The following PCDHGA6 variants were observed in gnomAD, a reference collection of about 807,000 sequenced individuals.
The protein encoded by PCDHGA6 is protocadherin gamma-A6.
PCDHGA6 carries 41 observed loss-of-function variants against 60.6 expected under a neutral mutation model. The observed-to-expected ratio is 0.68, with a 90% confidence interval of 0.53 to 0.88. PCDHGA6 has a LOEUF of 0.88. PCDHGA6 is among the 40% of genes least tolerant of loss of function. PCDHGA6 has a pLI of 0.00. For missense variants in PCDHGA6, 1,312 were observed against 1,203.0 expected, an observed-to-expected ratio of 1.09 and a Z score of -1.34; for synonymous variants, 594 against 524.4, an observed-to-expected ratio of 1.13 and a Z score of -1.81.
rs534304763 is a variant in PCDHGA6 at position 141,394,533 on chromosome 5, G to T, written c.2424+18026G>T. 2 of 1,614,092 alleles carry T rather than the reference G, an allele frequency of 1.2e-6. No individual in the cohort carries two copies. The highest frequency in any genetic ancestry group is 3.3e-5 in the Admixed American group (2 of 60,014). On this transcript the variant is annotated intron_variant, in intron 1 of 3. Transcript: ENST00000517434. Reference sequence around the variant, plus strand: ...CGCCCTCCCCACAGACGGTTCCACTGGCGTGGAGCTGGCGCCCCGCTCCGC... The same window carrying T: ...CGCCCTCCCCACAGACGGTTCCACTTGCGTGGAGCTGGCGCCCCGCTCCGC...
chr5:141,465,781 T>G (rs2099109506), intron 1 of PCDHGA6, among the ~76,000 whole-genome samples: 1 of 150,278 alleles, frequency 6.7e-6, no homozygotes, highest in Non-Finnish European at 1.5e-5. Context: ...TTGTTACAGT[T>G]TTTTTTTTTT....
chr5:141,511,733 T>C lies in PCDHGA6; in HGVS notation c.*560T>C, dbSNP rs1032711521. 9 of 177,040 alleles carry C rather than the reference T, an allele frequency of 5.1e-5. No individual in the cohort carries two copies. The highest frequency in any genetic ancestry group is 8.7e-5 in the Non-Finnish European group (7 of 80,868). The allele number at this position is 177,040 out of a possible 1,614,324, so 11.0% of individuals were successfully genotyped here. ...TCCTTCCAGAGCCCAAGATCAATGC[T>C]CAAGTTTTGGAGGACATGATCACCA... On this transcript the variant is annotated 3_prime_UTR_variant, in exon 4 of 4. Transcript: ENST00000517434.
rs189127761 is a variant in PCDHGA6 at position 141,385,037 on chromosome 5, C to A, written c.2424+8530C>A. Reference sequence around the variant, plus strand: ...CTAGCCTTCGTCCTCGTACTGCTGGCGCTCAGGCTGCGGCGCTGGCACAAG... The same window carrying A: ...CTAGCCTTCGTCCTCGTACTGCTGGAGCTCAGGCTGCGGCGCTGGCACAAG... On this transcript the variant is annotated intron_variant, in intron 1 of 3. Transcript: ENST00000517434. The A allele has an allele frequency of 5.8e-5, 93 of 1,614,148 alleles. No individual in the cohort carries two copies. In the East Asian group the frequency reaches 1.7e-3, roughly 30 times the overall value.
chr5:141,496,888 T>TAAA (rs35063790), intron 2 of PCDHGA6, among the ~76,000 whole-genome samples: 5 of 134,118 alleles, frequency 3.7e-5, no homozygotes, highest in East Asian at 4.4e-4. Context: ...AAGTAACACT[T>TAAA]AAAAAAAAAA....
intron 1 of PCDHGA6, among the ~76,000 whole-genome samples, chr5:141,455,291 A>G (rs1212745731): frequency 6.6e-6 from 1 of 152,072 alleles, no homozygotes; most frequent in Non-Finnish European, 1.5e-5. Flanking sequence ...CACTTTACAT[A>G]GTTTCATCTT....
chr5:141,415,289 C>T (rs1413039067), intron 1 of PCDHGA6: 11 of 1,614,088 alleles, frequency 6.8e-6, no homozygotes, highest in African/African-American at 1.3e-5. Flanking sequence ...GCCGCGGTCT[C>T]CTGCGTCTTC....
chr5:141,487,533 T>C lies in PCDHGA6; in HGVS notation c.2425-7274T>C. On this transcript the variant is annotated intron_variant, in intron 1 of 3. Coordinates refer to ENST00000517434, the MANE Select transcript of PCDHGA6 (RefSeq NM_018919.3). This position sits in a 1 kb window ranked among gnomAD's most constrained non-coding sequence, Gnocchi z 5.0. The stretch of plus-strand genomic sequence containing the variant: ...CCCACTCGGAGTGATAGCTTCATGA[T>C]GGTGAAGTCACCCAGTGCACCTATG... 6.2e-7 allele frequency: 1 copy of C among 1,614,186 alleles called. No individual in the cohort carries two copies. Among genetic ancestry groups the C allele is most frequent in the South Asian group, 1.1e-5 (1 of 91,080 alleles).
intron 1 of PCDHGA6, among the ~76,000 whole-genome samples, chr5:141,457,477 C>A (rs964080100): frequency 2.0e-5 from 3 of 152,134 alleles, no homozygotes; most frequent in African/African-American, 7.2e-5. Context: ...TAAGCAGGGC[C>A]AGGGTTAGTC....
intron 1 of PCDHGA6, chr5:141,409,769 G>C (rs1413636372): frequency 1.2e-6 from 2 of 1,612,776 alleles, no homozygotes; most frequent in Non-Finnish European, 1.7e-6. Context: ...CTTTGATCAC[G>C]AGCAGCTGCG....
At position 141,485,565 on chromosome 5, in the gene PCDHGA6, C is replaced by T. The variant is rs1213821989; in HGVS notation, c.2425-9242C>T. The T allele has an allele frequency of 2.5e-6, 4 of 1,612,946 alleles. No homozygotes were observed. Among genetic ancestry groups the T allele is most frequent in the Non-Finnish European group, 2.5e-6 (3 of 1,179,042 alleles). On this transcript the variant is annotated intron_variant, in intron 1 of 3. Coordinates refer to ENST00000517434, the MANE Select transcript of PCDHGA6 (RefSeq NM_018919.3). The surrounding 1 kb of genome is among the most constrained non-coding windows in gnomAD (Gnocchi z 5.7). ...ATCGTAGATGTGAATGATCACGCCCCCCGTTTTCCGCGGCAGCAGCTGGAC... is the reference window on the plus strand; with the variant it reads ...ATCGTAGATGTGAATGATCACGCCCTCCGTTTTCCGCGGCAGCAGCTGGAC...
chr5:141,417,859 GAT>G, intron 1 of PCDHGA6: 1 of 1,548,208 alleles, frequency 6.5e-7, no homozygotes, highest in Middle Eastern at 1.7e-4. Context: ...CCGAGCGAAC[GAT>G]GGGAGGGAGC....
In PCDHGA6 at chr5:141,433,401, A is replaced by ATCTC. The variant is rs1554126038; in HGVS notation, c.2424+56897_2424+56898insCTCT. On this transcript the variant is annotated intron_variant, in intron 1 of 3. Transcript: ENST00000517434. ...TATCTATCTATCTATCTATCTATCT[A>ATCTC]TCTATTACTTTCTTGTACAGACAGG... Among the ~76,000 whole-genome samples, 677 of 150,598 alleles carry ATCTC rather than the reference A, an allele frequency of 4.5e-3. 6 individuals are homozygous for ATCTC. Among genetic ancestry groups the ATCTC allele is most frequent in the African/African-American group, 0.015 (630 of 40,958 alleles).
intron 1 of PCDHGA6, chr5:141,391,260 A>G (rs2092328802): frequency 1.3e-5 from 2 of 152,128 alleles, no homozygotes; most frequent in African/African-American, 4.8e-5. Flanking sequence ...TGCTTCAGTT[A>G]ATGGCCACTT....
intron 1 of PCDHGA6, among the ~76,000 whole-genome samples, chr5:141,467,823 T>A (rs1225960296): frequency 1.3e-5 from 2 of 152,012 alleles, no homozygotes; most frequent in African/African-American, 2.4e-5. Flanking sequence ...CACACCAGGC[T>A]GATTTTTATA....
Position 141,485,274 on chromosome 5 carries a change from C to G in PCDHGA6, c.2425-9533C>G. 2 of 1,614,106 alleles carry G rather than the reference C, an allele frequency of 1.2e-6. No homozygotes were observed. Among genetic ancestry groups the G allele is most frequent in the Non-Finnish European group, 1.7e-6 (2 of 1,179,964 alleles). On this transcript the variant is annotated intron_variant, in intron 1 of 3. Transcript: ENST00000517434. The surrounding 1 kb of genome is among the most constrained non-coding windows in gnomAD (Gnocchi z 5.7). ...TACGTTTGTGGGCAGATCCGCTACC[C>G]GGTCCCAGAGGAGTCACAGGAAGGG...
chr5:141,445,537 G>A (rs1266179512), intron 1 of PCDHGA6, among the ~76,000 whole-genome samples: 1 of 152,182 alleles, frequency 6.6e-6, no homozygotes, highest in African/African-American at 2.4e-5. Flanking sequence ...AAGCCAACAA[G>A]GAGAAATACA....
At chr5:141,408,578 G>A (rs775312574) in intron 1 of PCDHGA6, 3 of 1,613,928 alleles carry the variant, frequency 1.9e-6, no homozygotes, top group African/African-American at 1.3e-5. Flanking sequence ...GATTGAGGAT[G>A]TTAATGACCA....
chr5:141,442,321 C>G (rs1323525940), intron 1 of PCDHGA6: 1 of 152,360 alleles, frequency 6.6e-6, no homozygotes, highest in African/African-American at 2.4e-5. Context: ...ATGTCTATCC[C>G]GCGCTAAGCC....
At chr5:141,419,094 G>C in intron 1 of PCDHGA6, 2 of 1,613,894 alleles carry the variant, frequency 1.2e-6, no homozygotes, top group Non-Finnish European at 1.7e-6. Context: ...GCCCTGGATC[G>C]GGAGCAGACC....
Sources: allele counts gnomAD v4.1 joint callset (sites outside exome capture counted in the v4.1 genomes callset), GRCh38; gene constraint gnomAD v4.1.1; non-coding constraint Gnocchi (gnomAD v3.1); transcripts MANE v1.5; gene names NCBI Gene and HGNC (gene_info 2026-07-23, HGNC 2026-07-21).